TRPC4: variants seen among roughly 807,000 people sequenced by gnomAD.
The protein encoded by TRPC4 is short transient receptor potential channel 4.
Under a neutral mutation model 99.4 loss-of-function variants are expected in TRPC4, and 49 were observed. The observed-to-expected ratio is 0.49, with a 90% CI of 0.39 to 0.63. The LOEUF (loss-of-function observed/expected upper bound fraction) is 0.63, where lower values mean the gene tolerates loss of function less well. Ranked by LOEUF, TRPC4 falls within the 20% of genes least tolerant of loss-of-function variation. The pLI is 0.00. For missense variants in TRPC4, 898 were observed against 1,152.9 expected (o/e 0.78, Z 3.20); for synonymous variants, 454 against 425.9 (o/e 1.07, Z -0.81).
At chr13:37,756,269 T>TGAATGGAA (rs1167001810) in intron 2 of TRPC4, among the ~76,000 whole-genome samples, 2 of 152,154 alleles carry the variant, frequency 1.3e-5, no homozygotes, top group East Asian at 3.9e-4. Context: ...GATGAATGGA[T>TGAATGGAA]GAATGGATGG....
intron 1 of TRPC4, among the ~76,000 whole-genome samples, chr13:37,830,248 C>G (rs972621160): frequency 1.3e-5 from 2 of 151,866 alleles, no homozygotes; most frequent in African/African-American, 4.8e-5. Flanking sequence ...CTCCAGCTGG[C>G]TGCACCATTA....
intron 2 of TRPC4, among the ~76,000 whole-genome samples, chr13:37,747,567 A>G (rs1442695593): frequency 6.6e-6 from 1 of 152,198 alleles, no homozygotes; most frequent in Non-Finnish European, 1.5e-5. Flanking sequence ...AAAATGAAGG[A>G]AACCACAAAA....
intron 1 of TRPC4, among the ~76,000 whole-genome samples, chr13:37,815,268 A>C (rs571923103): frequency 2.0e-4 from 30 of 151,996 alleles, no homozygotes; most frequent in Admixed American, 1.9e-3. Flanking sequence ...TGCACATATC[A>C]ATATTAACCT....
chr13:37,827,460 T>C (rs953212973), intron 1 of TRPC4, among the ~76,000 whole-genome samples: 3 of 152,188 alleles, frequency 2.0e-5, no homozygotes, highest in African/African-American at 7.2e-5. Context: ...GGTGTGGGTG[T>C]CCTTTCTGTT....
At chr13:37,863,112 T>C (rs1387711550) in intron 1 of TRPC4, among the ~76,000 whole-genome samples, 1 of 151,546 alleles carries the variant, frequency 6.6e-6, no homozygotes, top group Non-Finnish European at 1.5e-5. Context: ...CCATCTAGGT[T>C]TGTGTAAGTA....
intron 4 of TRPC4, among the ~76,000 whole-genome samples, chr13:37,678,843 G>A (rs1953143821): frequency 6.6e-6 from 1 of 152,022 alleles, no homozygotes; most frequent in African/African-American, 2.4e-5. Flanking sequence ...AAATAGTAGT[G>A]AATAAAAGTT....
rs569994431 is a variant in TRPC4, at chr13:37,650,859, G to A, written c.2079+406C>T. On this transcript the variant is annotated intron_variant, in intron 8 of 10. Transcript: ENST00000379705. ...GAAGAATTTGAGGTCACCAAAGCAC[G>A]TGCCCTTCCCTCATGGAGCATACGA... Among the ~76,000 whole-genome samples, 8 of 152,262 alleles carry A rather than the reference G, an allele frequency of 5.3e-5. No homozygotes were observed. In the South Asian group the frequency reaches 6.2e-4, roughly 12 times the overall value.
Position 37,814,072 on chromosome 13 carries a change from A to G in TRPC4, c.-27-30712T>C, listed in dbSNP as rs1228885326. ...TACAACAAATCAATACAATAAAAAA[A>G]CCCACATCATCACAACAATAGACAC... On this transcript the variant is annotated intron_variant, in intron 1 of 10. Coordinates refer to ENST00000379705, the MANE Select transcript of TRPC4 (RefSeq NM_016179.4). Among the ~76,000 whole-genome samples, 2 of 151,862 alleles carry G rather than the reference A, an allele frequency of 1.3e-5. 1 individual carries two copies. Among genetic ancestry groups the G allele is most frequent in the South Asian group, 4.1e-4 (2 of 4,828 alleles).
intron 1 of TRPC4, among the ~76,000 whole-genome samples, chr13:37,810,201 G>T (rs145332624): frequency 1.3e-5 from 2 of 152,116 alleles, no homozygotes; most frequent in South Asian, 4.1e-4. Context: ...TTACACCTGA[G>T]TCTATTTTGA....
At chr13:37,687,661 T>G (rs1953531572) in intron 4 of TRPC4, among the ~76,000 whole-genome samples, 1 of 152,198 alleles carries the variant, frequency 6.6e-6, no homozygotes, top group Admixed American at 6.5e-5. Flanking sequence ...TCATTGCATA[T>G]TCCCAGTATA....
intron 7 of TRPC4, 47 bp from the exon 8 acceptor site, chr13:37,651,506 A>C (rs536103243): frequency 6.5e-7 from 1 of 1,546,598 alleles, no homozygotes; most frequent in Non-Finnish European, 8.9e-7. Context: ...TTAATTAACA[A>C]GGTACCATAA....
chr13:37,787,929 C>T (rs1388448214), intron 1 of TRPC4, among the ~76,000 whole-genome samples: 1 of 152,012 alleles, frequency 6.6e-6, no homozygotes, highest in Non-Finnish European at 1.5e-5. Flanking sequence ...ATCTTCTTTG[C>T]AATGGTATAT....
In TRPC4 at chr13:37,835,222, C is replaced by T. The variant is rs577584161; in HGVS notation, c.-28+34373G>A. ...AGTCGGCTGACTGTTTCATTCTCTT[C>T]GGTGGCTCTTAATAACTTTTCATTT... On this transcript the variant is annotated intron_variant, in intron 1 of 10. Transcript: ENST00000379705. Among the ~76,000 whole-genome samples, 41 of 152,188 alleles carry T rather than the reference C, an allele frequency of 2.7e-4. No homozygotes were observed. The South Asian group carries it at 5.8e-3, about 22-fold the overall frequency.
intron 3 of TRPC4, among the ~76,000 whole-genome samples, chr13:37,720,327 G>T (rs987205550): frequency 1.3e-5 from 2 of 152,206 alleles, no homozygotes; most frequent in African/African-American, 4.8e-5. Flanking sequence ...AAGGTGAAAA[G>T]GTATAGCTAT....
intron 1 of TRPC4, among the ~76,000 whole-genome samples, chr13:37,811,324 A>G (rs1957679105): frequency 6.6e-6 from 1 of 152,148 alleles, no homozygotes; most frequent in African/African-American, 2.4e-5. Context: ...AAATAGGAAA[A>G]TAAATGAAAC....
At chr13:37,846,221 A>T (rs1958894688) in intron 1 of TRPC4, among the ~76,000 whole-genome samples, 1 of 152,202 alleles carries the variant, frequency 6.6e-6, no homozygotes, top group Non-Finnish European at 1.5e-5. Context: ...ATGAATAATT[A>T]AAATAACATT....
At chr13:37,780,173 G>T (rs904140041) in intron 2 of TRPC4, among the ~76,000 whole-genome samples, 1 of 152,070 alleles carries the variant, frequency 6.6e-6, no homozygotes, top group African/African-American at 2.4e-5. Flanking sequence ...CAGCTCCCAT[G>T]ACCTGAGGAT....
intron 8 of TRPC4, among the ~76,000 whole-genome samples, chr13:37,640,782 A>C (rs1466538591): frequency 6.6e-6 from 1 of 152,176 alleles, no homozygotes; most frequent in East Asian, 1.9e-4. Context: ...CTTAAACTAA[A>C]ATACTAAAGT....
chr13:37,807,624 A>T (rs1256452891), intron 1 of TRPC4, among the ~76,000 whole-genome samples: 2 of 152,012 alleles, frequency 1.3e-5, no homozygotes, highest in African/African-American at 4.8e-5. Flanking sequence ...GCTATAGAAA[A>T]GGCTGTGCTC....
Sources: gnomAD v4.1 joint callset for allele counts (sites outside exome capture counted in the v4.1 genomes callset) on GRCh38, gnomAD v4.1.1 for gene constraint, MANE v1.5 for transcripts, NCBI Gene and HGNC (gene_info 2026-07-23, HGNC 2026-07-21) for gene names.